Variants in RGS21 observed in about 807,000 individuals in gnomAD.
RGS21 encodes regulator of G protein signaling 21.
Under a neutral mutation model 18.7 loss-of-function variants are expected in RGS21, and 19 were observed. The ratio of observed to expected loss-of-function variants is 1.01; its 90% CI spans 0.71 to 1.49. The LOEUF (loss-of-function observed/expected upper bound fraction) is 1.49. RGS21 is among the 40% of genes most tolerant of loss of function. The pLI is 0.00. For missense variants in RGS21, 194 were observed against 176.8 expected (o/e 1.10, Z -0.55); for synonymous variants, 56 against 57.8 (o/e 0.97, Z 0.14).
intron 4 of RGS21, among the ~76,000 whole-genome samples, chr1:192,356,093 A>G (rs992062161): frequency 5.3e-5 from 8 of 151,832 alleles, no homozygotes; most frequent in African/African-American, 1.9e-4. Context: ...AGGACACTGT[A>G]TCTCATAAAA....
At chr1:192,349,001 C>G (rs1327215495) in intron 3 of RGS21, among the ~76,000 whole-genome samples, 5 of 152,066 alleles carry the variant, frequency 3.3e-5, no homozygotes, top group Admixed American at 3.3e-4. Context: ...ATCCACGTAA[C>G]TTCCAGAATC....
chr1:192,339,661 C>T (rs1414885893), intron 1 of RGS21, among the ~76,000 whole-genome samples: 1 of 152,072 alleles, frequency 6.6e-6, no homozygotes, highest in African/African-American at 2.4e-5. Context: ...TTCCATCCAT[C>T]TGTAGCCACC....
rs755142915 is a variant in RGS21 at position 192,347,363 on chromosome 1, A to C, written c.62A>C (p.Asn21Thr). 2 of 1,605,040 alleles carry C rather than the reference A, an allele frequency of 1.2e-6. No homozygotes were observed. The highest frequency in any genetic ancestry group is 1.7e-6 in the Non-Finnish European group (2 of 1,172,672). Residue 21 changes from asparagine (N) to threonine (T), a missense_variant, in exon 3 of 5, where the codon AAT (asparagine) becomes ACT (threonine). Physicochemically the swap from Asn to Thr is moderately conservative, Grantham distance 65. Transcript: ENST00000417209. ...PTAETMTWSE[N>T]MDTLLANQAG... ...GCGGAAACAATGACATGGTCTGAAA[A>C]TATGGACACGCTTTTAGCCAACCAA...
chr1:192,337,656 A>C (rs1432485760), intron 1 of RGS21, among the ~76,000 whole-genome samples: 1 of 152,112 alleles, frequency 6.6e-6, no homozygotes, highest in Admixed American at 6.6e-5. Context: ...TTAAGTGATT[A>C]TTTATCTTTG....
intron 1 of RGS21, among the ~76,000 whole-genome samples, chr1:192,341,789 G>A (rs960757274): frequency 2.0e-4 from 30 of 149,576 alleles, no homozygotes; most frequent in African/African-American, 6.4e-4. Flanking sequence ...TTAACCAAGA[G>A]GGTCTTTAAA....
chr1:192,362,052 A>C (rs1659193787), intron 4 of RGS21, among the ~76,000 whole-genome samples: 1 of 152,136 alleles, frequency 6.6e-6, no homozygotes, highest in South Asian at 2.1e-4. Flanking sequence ...TTTAGGTAAA[A>C]TATTCACTTT....
At chr1:192,349,066 GTT>G (rs1658996433) in intron 3 of RGS21, among the ~76,000 whole-genome samples, 1 of 152,096 alleles carries the variant, frequency 6.6e-6, no homozygotes, top group Non-Finnish European at 1.5e-5. Context: ...TTTATTAAGT[GTT>G]AAATGGTGTA....
Position 192,343,033 on chromosome 1 carries a change from A to G in RGS21, c.-4A>G. On this transcript the variant is annotated 5_prime_UTR_variant, in exon 2 of 5. Coordinates refer to ENST00000417209, the MANE Select transcript of RGS21 (RefSeq NM_001039152.3). ...ATCATCTGTGACAGACAGTGGAACG[A>G]AAAATGCCAGTGAAGTGAGTTGCCG... The G allele has an allele frequency of 6.2e-7, 1 of 1,612,642 alleles. No individual in the cohort carries two copies. The highest frequency in any genetic ancestry group is 2.2e-5 in the East Asian group (1 of 44,818).
intron 4 of RGS21, 32 bp from the exon 5 acceptor site, chr1:192,365,889 A>T (rs776145206): frequency 8.3e-7 from 1 of 1,210,938 alleles, no homozygotes; most frequent in Non-Finnish European, 1.2e-6. Flanking sequence ...TGATTAAACT[A>T]ATTCAATGAT....
intron 1 of RGS21, among the ~76,000 whole-genome samples, chr1:192,329,907 T>G (rs1021974617): frequency 2.0e-5 from 3 of 152,206 alleles, no homozygotes; most frequent in African/African-American, 7.2e-5. Flanking sequence ...GTGATAAATT[T>G]CATCTTTTAT....
chr1:192,335,416 C>T (rs79816641), intron 1 of RGS21, among the ~76,000 whole-genome samples: 3,762 of 152,262 alleles, frequency 0.025, 90 homozygotes, highest in Non-Finnish European at 0.034. Context: ...TAATAATTTA[C>T]TTAAGAACCT....
At chr1:192,352,583 T>C (rs1659059680) in intron 4 of RGS21, among the ~76,000 whole-genome samples, 1 of 152,106 alleles carries the variant, frequency 6.6e-6, no homozygotes, top group Admixed American at 6.6e-5. Flanking sequence ...AAACTAGGAA[T>C]TAGACAAAGT....
chr1:192,322,971 T>G (rs1350045105), intron 1 of RGS21, among the ~76,000 whole-genome samples: 1 of 152,034 alleles, frequency 6.6e-6, no homozygotes, highest in African/African-American at 2.4e-5. Context: ...TGATGTAAAA[T>G]ATTAAGGGGG....
chr1:192,324,880 A>T (rs1174016971), intron 1 of RGS21, among the ~76,000 whole-genome samples: 2 of 152,054 alleles, frequency 1.3e-5, no homozygotes, highest in African/African-American at 2.4e-5. Flanking sequence ...CAGAAGCTTA[A>T]TTGAAAAATA....
intron 1 of RGS21, 126 bp downstream of exon 1, chr1:192,317,231 C>A (rs1658433512): frequency 6.6e-6 from 1 of 151,692 alleles, no homozygotes; most frequent in South Asian, 2.1e-4. Context: ...AGTTTGGAAT[C>A]ATAAAAAGAA....
chr1:192,353,029 A>G (rs1659066005), intron 4 of RGS21, among the ~76,000 whole-genome samples: 1 of 152,064 alleles, frequency 6.6e-6, no homozygotes, highest in Non-Finnish European at 1.5e-5. Flanking sequence ...TTAAACTACT[A>G]GTACCAAACC....
At chr1:192,332,028 G>A (rs1396261979) in intron 1 of RGS21, among the ~76,000 whole-genome samples, 1 of 151,776 alleles carries the variant, frequency 6.6e-6, no homozygotes, top group Non-Finnish European at 1.5e-5. Context: ...GGCTTACCAT[G>A]GTAAAAATTA....
At chr1:192,348,023 T>TA (rs1491172539) in intron 3 of RGS21, among the ~76,000 whole-genome samples, 15 of 139,230 alleles carry the variant, frequency 1.1e-4, no homozygotes, top group Admixed American at 4.3e-4. Context: ...TATATATGTA[T>TA]TTTTTTTTTT....
intron 1 of RGS21, among the ~76,000 whole-genome samples, chr1:192,330,245 G>A (rs1195675007): frequency 6.6e-6 from 1 of 152,172 alleles, no homozygotes; most frequent in Non-Finnish European, 1.5e-5. Flanking sequence ...TTCCAGTTCT[G>A]TGGATCAGAG....
Sources: gnomAD v4.1 joint callset for allele counts (sites outside exome capture counted in the v4.1 genomes callset) on GRCh38, gnomAD v4.1.1 for gene constraint, MANE v1.5 for transcripts, NCBI Gene and HGNC (gene_info 2026-07-23, HGNC 2026-07-21) for gene names.